CUBN: variants seen among roughly 807,000 people sequenced by gnomAD.
CUBN encodes the protein 460 kDa receptor.
In CUBN, 282 loss-of-function variants were observed where a neutral mutation model predicts 405.3. The ratio of observed to expected loss-of-function variants is 0.70; its 90% confidence interval spans 0.63 to 0.77. The LOEUF is 0.77. CUBN is among the 30% of genes least tolerant of loss of function. CUBN has a pLI of 0.00. For synonymous variants in CUBN, 1,684 were observed against 1,617.0 expected (o/e 1.04, Z -0.99); for missense variants, 4,514 against 4,475.2 (o/e 1.01, Z -0.25).
intron 27 of CUBN, among the ~76,000 whole-genome samples, chr10:17,039,902 TCA>T (rs1042667257): frequency 5.3e-5 from 8 of 152,226 alleles, no homozygotes; most frequent in South Asian, 2.1e-4. Flanking sequence ...AGTTAGGACC[TCA>T]CAGAGTCTCT....
chr10:16,881,150 CA>C (rs1840657201), intron 56 of CUBN, among the ~76,000 whole-genome samples: 1 of 151,998 alleles, frequency 6.6e-6, no homozygotes, highest in South Asian at 2.1e-4. Flanking sequence ...GTTATAAAAC[CA>C]AAATCACAGA....
intron 22 of CUBN, among the ~76,000 whole-genome samples, chr10:17,053,972 C>A (rs546236148): frequency 6.6e-6 from 1 of 152,040 alleles, no homozygotes; most frequent in African/African-American, 2.4e-5. Context: ...ATCCATAGAA[C>A]AAAGAAGAAA....
At chr10:16,849,150 T>C (rs1247235827) in intron 60 of CUBN, among the ~76,000 whole-genome samples, 2 of 152,214 alleles carry the variant, frequency 1.3e-5, no homozygotes, top group Admixed American at 6.5e-5. Flanking sequence ...CTGTTCTTCA[T>C]CTTTCCCTTT....
intron 66 of CUBN, 53 bp downstream of exon 66, chr10:16,828,752 T>A: frequency 7.4e-7 from 1 of 1,349,492 alleles, no homozygotes; most frequent in Non-Finnish European, 1.1e-6. Flanking sequence ...ACTAAGTGAC[T>A]CATTATTGTC....
chr10:16,878,009 C>T (rs1477253697), intron 56 of CUBN, among the ~76,000 whole-genome samples: 2 of 152,184 alleles, frequency 1.3e-5, no homozygotes, highest in African/African-American at 4.8e-5. Flanking sequence ...ATATTAGGGC[C>T]AGACATGGTG....
At chr10:17,032,019 C>T (rs751008522) in intron 27 of CUBN, among the ~76,000 whole-genome samples, 2 of 152,072 alleles carry the variant, frequency 1.3e-5, no homozygotes, top group African/African-American at 2.4e-5. Flanking sequence ...TTAGGGAACT[C>T]GGAAGAGAAA....
intron 33 of CUBN, among the ~76,000 whole-genome samples, chr10:16,951,872 C>T (rs1282942451): frequency 6.6e-6 from 1 of 152,148 alleles, no homozygotes; most frequent in Non-Finnish European, 1.5e-5. Context: ...TTTGTTCACT[C>T]AGCAACTGTC....
chr10:17,018,844 T>C (rs1196729455), intron 28 of CUBN, among the ~76,000 whole-genome samples: 1 of 151,980 alleles, frequency 6.6e-6, no homozygotes, highest in Non-Finnish European at 1.5e-5. Flanking sequence ...TTTTACAGAG[T>C]GCTGATTGGT....
chr10:17,008,416 C>T (rs1282987425), intron 28 of CUBN, among the ~76,000 whole-genome samples: 1 of 131,262 alleles, frequency 7.6e-6, no homozygotes, highest in Admixed American at 8.1e-5. Flanking sequence ...CCCATGGCTG[C>T]AGAATCCCTG....
chr10:16,912,190 A>G (rs965435818), intron 48 of CUBN, among the ~76,000 whole-genome samples: 2 of 152,210 alleles, frequency 1.3e-5, no homozygotes, highest in Non-Finnish European at 2.9e-5. Context: ...AGGTTGAATA[A>G]GATCATTTTA....
intron 40 of CUBN, among the ~76,000 whole-genome samples, chr10:16,930,707 T>C (rs908981361): frequency 3.9e-5 from 6 of 152,148 alleles, no homozygotes; most frequent in Non-Finnish European, 8.8e-5. Context: ...ATAAAATGAA[T>C]AAGCAGGTGG....
At chr10:16,960,843 C>A (rs1007369348) in intron 31 of CUBN, among the ~76,000 whole-genome samples, 6 of 152,070 alleles carry the variant, frequency 3.9e-5, no homozygotes, top group Non-Finnish European at 5.9e-5. Context: ...ATGAAGGGGC[C>A]CAACCACAGG....
At chr10:16,878,220 A>G (rs57507254) in intron 56 of CUBN, among the ~76,000 whole-genome samples, 6,899 of 152,200 alleles carry the variant, frequency 0.045, 539 homozygotes, top group African/African-American at 0.16. Flanking sequence ...CCTGGAAGGC[A>G]GAAGTTACAG....
At chr10:16,993,336 A>G (rs1420727502) in intron 28 of CUBN, among the ~76,000 whole-genome samples, 3 of 152,200 alleles carry the variant, frequency 2.0e-5, no homozygotes, top group Non-Finnish European at 4.4e-5. Context: ...TTTTTATCTT[A>G]GTTGATTCAC....
At chr10:17,001,775 T>C (rs1451721465) in intron 28 of CUBN, among the ~76,000 whole-genome samples, 1 of 152,222 alleles carries the variant, frequency 6.6e-6, no homozygotes, top group Admixed American at 6.5e-5. Context: ...AGATTACATT[T>C]AGGTGGTAAA....
At chr10:16,869,566 G>C (rs548565773) in intron 59 of CUBN, 70 bp downstream of exon 59, 66 of 990,798 alleles carry the variant, frequency 6.7e-5, no homozygotes, top group Non-Finnish European at 1.6e-5. Flanking sequence ...GTGGGGGGGG[G>C]GCGGGGAAAT....
intron 16 of CUBN, among the ~76,000 whole-genome samples, chr10:17,085,093 T>C (rs932675207): frequency 6.6e-6 from 1 of 152,198 alleles, no homozygotes; most frequent in African/African-American, 2.4e-5. Flanking sequence ...TCATAGAGTA[T>C]TTCCTGTGTT....
At chr10:16,872,123 C>T (rs1451109429) in intron 58 of CUBN, among the ~76,000 whole-genome samples, 1 of 151,872 alleles carries the variant, frequency 6.6e-6, no homozygotes, top group Admixed American at 6.6e-5. Flanking sequence ...ACCTGTAGTC[C>T]CAGCTACTCA....
chr10:16,992,079 A>G (rs1833606217), intron 28 of CUBN, among the ~76,000 whole-genome samples: 1 of 152,236 alleles, frequency 6.6e-6, no homozygotes, highest in African/African-American at 2.4e-5. Context: ...TGATGAGTTC[A>G]TATCCTTTTT....
Sources: allele counts gnomAD v4.1 joint callset (sites outside exome capture counted in the v4.1 genomes callset), GRCh38; gene constraint gnomAD v4.1.1; transcripts MANE v1.5; gene names NCBI Gene and HGNC (gene_info 2026-07-23, HGNC 2026-07-21).